The following PCDH11X variants were observed in gnomAD, a reference collection of about 807,000 sequenced individuals.
The protein encoded by PCDH11X is protocadherin-11 X-linked.
Under a neutral mutation model 53.3 loss-of-function variants are expected in PCDH11X, and 18 were observed. The ratio of observed to expected loss-of-function variants is 0.34; its 90% CI spans 0.23 to 0.50. The LOEUF is 0.50. Among genes scored for constraint, PCDH11X ranks in the 20% least tolerant of loss-of-function variants. PCDH11X has a pLI of 0.98. For missense variants in PCDH11X, 570 were observed against 1,032.4 expected, an observed-to-expected ratio of 0.55 and a Z score of 6.14; for synonymous variants, 279 against 393.3, an observed-to-expected ratio of 0.71 and a Z score of 3.44.
intron 6 of PCDH11X, among the ~76,000 whole-genome samples, chrX:92,160,685 T>C (rs1426015122): frequency 9.5e-6 from 1 of 104,881 alleles, no homozygotes; most frequent in South Asian, 4.4e-4. Flanking sequence ...TCTGGGTAGA[T>C]ACCCAGTAGT....
chrX:92,511,363 G>C lies in PCDH11X; in HGVS notation c.3367+43041G>C, dbSNP rs754471063. Among the ~76,000 whole-genome samples the C allele has an allele frequency of 1.2e-4, 13 of 111,557 alleles. No homozygotes were observed. The South Asian group carries it at 4.8e-3, about 42-fold the overall frequency. ...CTTAACCCTCACAATTGCATTCTTA[G>C]GTAGTAGGGGGGCAAATAGCCAATG... On this transcript the variant is annotated intron_variant, in intron 10 of 10. Coordinates refer to ENST00000682573, the MANE Select transcript of PCDH11X (RefSeq NM_032968.5).
intron 7 of PCDH11X, among the ~76,000 whole-genome samples, chrX:92,251,463 T>G (rs1264781854): frequency 9.0e-6 from 1 of 111,179 alleles, no homozygotes; most frequent in Admixed American, 9.6e-5. Context: ...GCTATGGAGC[T>G]TAAATTCTTA....
intron 4 of PCDH11X, among the ~76,000 whole-genome samples, chrX:91,818,215 A>C (rs1169096119): frequency 1.8e-5 from 2 of 110,997 alleles, no homozygotes; most frequent in Admixed American, 1.9e-4. Flanking sequence ...AAGTCTCCCA[A>C]GTAATAGGAG....
chrX:92,506,216 C>CTTTTTTTTTTT (rs1180678297), intron 10 of PCDH11X, among the ~76,000 whole-genome samples: 1,136 of 39,973 alleles, frequency 0.028, 19 homozygotes, highest in Non-Finnish European at 0.033. Flanking sequence ...CTTTTCTTTT[C>CTTTTTTTTTTT]TTTTTTTTTT....
chrX:91,857,161 T>C (rs1279816717), intron 5 of PCDH11X, among the ~76,000 whole-genome samples: 3 of 111,510 alleles, frequency 2.7e-5, no homozygotes. Flanking sequence ...AGGCAGGTCT[T>C]ACATGGAGGC....
At chrX:92,245,997 T>G (rs970649494) in intron 7 of PCDH11X, among the ~76,000 whole-genome samples, 1 of 111,675 alleles carries the variant, frequency 9.0e-6, no homozygotes, top group Non-Finnish European at 1.9e-5. Context: ...TAAATCTAAT[T>G]GTAAATTTTG....
At chrX:92,077,438 A>G (rs2063789442) in intron 6 of PCDH11X, among the ~76,000 whole-genome samples, 2 of 109,115 alleles carry the variant, frequency 1.8e-5, no homozygotes, top group African/African-American at 3.3e-5. Flanking sequence ...GTTTGCTTTA[A>G]TGTAGAATTA....
chrX:92,319,786 G>T (rs1344481582), intron 8 of PCDH11X, among the ~76,000 whole-genome samples: 1 of 111,601 alleles, frequency 9.0e-6, no homozygotes, highest in African/African-American at 3.3e-5. Context: ...ATGAGTACTT[G>T]ATAGACAGAG....
intron 10 of PCDH11X, among the ~76,000 whole-genome samples, chrX:92,515,994 C>T (rs772666584): frequency 6.3e-5 from 7 of 111,920 alleles, no homozygotes; most frequent in African/African-American, 1.9e-4. Flanking sequence ...TAGTTCATAT[C>T]GTGTTCAAAT....
Position 92,348,648 on chromosome X carries a change from T to C in PCDH11X, c.3145-39087T>C, listed in dbSNP as rs764335657. On this transcript the variant is annotated intron_variant, in intron 8 of 10. Transcript: ENST00000682573. ...GCCTCCTGCTTTCAAGCAATTCTCC[T>C]GCCTCAGCCTCCCAAGTAGCTGAGA... Among the ~76,000 whole-genome samples, 5 of 108,985 alleles carry C rather than the reference T, an allele frequency of 4.6e-5. No homozygotes were observed. The East Asian group carries it at 1.4e-3, about 32-fold the overall frequency. 94.6% of individuals were successfully genotyped at this position (108,985 alleles called of 115,157 possible).
intron 9 of PCDH11X, among the ~76,000 whole-genome samples, chrX:92,403,842 G>T (rs2071450788): frequency 9.0e-6 from 1 of 111,305 alleles, no homozygotes; most frequent in Non-Finnish European, 1.9e-5. Context: ...AAGTTTCCTT[G>T]TAGGATTTAA....
intron 10 of PCDH11X, among the ~76,000 whole-genome samples, chrX:92,529,106 T>C: frequency 9.0e-6 from 1 of 111,524 alleles, no homozygotes; most frequent in Non-Finnish European, 1.9e-5. Flanking sequence ...TTTTTATGGG[T>C]TTATAGGATG....
chrX:92,327,329 A>T (rs1179759302), intron 8 of PCDH11X, among the ~76,000 whole-genome samples: 6 of 93,652 alleles, frequency 6.4e-5, no homozygotes, highest in African/African-American at 1.6e-4. Context: ...GATGCTTTAA[A>T]AAAAAAAAAA....
chrX:91,780,300 G>T (rs1021734307), intron 1 of PCDH11X, among the ~76,000 whole-genome samples: 1 of 111,783 alleles, frequency 8.9e-6, no homozygotes, highest in Non-Finnish European at 1.9e-5. Context: ...TTCTCTTGGC[G>T]CTCGCCTCCC....
intron 6 of PCDH11X, among the ~76,000 whole-genome samples, chrX:92,148,130 CTT>C (rs781341114): frequency 3.5e-3 from 22 of 6,249 alleles, no homozygotes; most frequent in Admixed American, 4.7e-3. Context: ...TTCTTTCTTT[CTT>C]TTTCCTTCCT....
rs1453822833 is a variant in PCDH11X, at chrX:92,269,004, G to A, written c.3144+5861G>A. On this transcript the variant is annotated intron_variant, in intron 8 of 10. Transcript: ENST00000682573. The stretch of plus-strand genomic sequence containing the variant: ...TTCTGTGGTTCTTATATGTACATAT[G>A]TGCATTCCCTGGATCTTATATTCAT... Among the ~76,000 whole-genome samples the A allele has an allele frequency of 5.3e-5, 6 of 112,369 alleles. No homozygotes were observed. The East Asian group carries it at 1.1e-3, about 21-fold the overall frequency.
intron 10 of PCDH11X, among the ~76,000 whole-genome samples, chrX:92,573,935 T>C (rs775466530): frequency 9.0e-6 from 1 of 111,074 alleles, no homozygotes; most frequent in African/African-American, 3.3e-5. Flanking sequence ...TTAATGCTGT[T>C]AGGTATGATT....
intron 9 of PCDH11X, among the ~76,000 whole-genome samples, chrX:92,400,649 TTTTA>T (rs1326453592): frequency 9.7e-6 from 1 of 103,450 alleles, no homozygotes; most frequent in Admixed American, 1.1e-4. Context: ...TATGTGTAAG[TTTTA>T]TTTCTTTTTT....
At chrX:92,360,783 G>T (rs1328422296) in intron 8 of PCDH11X, among the ~76,000 whole-genome samples, 3 of 109,498 alleles carry the variant, frequency 2.7e-5, no homozygotes, top group African/African-American at 9.9e-5. Flanking sequence ...GCTCACTAAG[G>T]TGTCATTCAT....
Sources: allele counts gnomAD v4.1 joint callset (sites outside exome capture counted in the v4.1 genomes callset), GRCh38; gene constraint gnomAD v4.1.1; transcripts MANE v1.5; gene names NCBI Gene and HGNC (gene_info 2026-07-23, HGNC 2026-07-21).